The following TRPC4 variants were observed in gnomAD, a reference collection of about 807,000 sequenced individuals.
TRPC4 encodes short transient receptor potential channel 4.
A neutral mutation model predicts 99.4 loss-of-function variants in TRPC4; 49 were observed. The observed-to-expected ratio is 0.49, with a 90% CI of 0.39 to 0.63. The LOEUF (loss-of-function observed/expected upper bound fraction) is 0.63. Ranked by LOEUF, TRPC4 falls within the 20% of genes least tolerant of loss-of-function variation. The pLI is 0.00. For synonymous variants in TRPC4, 454 were observed against 425.9 expected (o/e 1.07, Z -0.81); for missense variants, 898 against 1,152.9 (o/e 0.78, Z 3.20).
chr13:37,799,305 G>A (rs902483068), intron 1 of TRPC4, among the ~76,000 whole-genome samples: 3 of 152,076 alleles, frequency 2.0e-5, no homozygotes, highest in Non-Finnish European at 4.4e-5. Flanking sequence ...TGCATGTAGA[G>A]CCCAACTTGC....
intron 1 of TRPC4, among the ~76,000 whole-genome samples, chr13:37,818,348 T>C (rs529784227): frequency 3.9e-5 from 6 of 152,196 alleles, no homozygotes; most frequent in Non-Finnish European, 5.9e-5. Flanking sequence ...TTTACACTGT[T>C]GGTGGGAGTG....
chr13:37,846,552 AC>A (rs778175385), intron 1 of TRPC4, among the ~76,000 whole-genome samples: 1 of 151,970 alleles, frequency 6.6e-6, no homozygotes, highest in Non-Finnish European at 1.5e-5. Context: ...CTTAGCAAAA[AC>A]CCCCAGTAGT....
chr13:37,828,027 C>A (rs1311071032), intron 1 of TRPC4, among the ~76,000 whole-genome samples: 2 of 152,190 alleles, frequency 1.3e-5, no homozygotes, highest in East Asian at 3.9e-4. Context: ...TGGGAGTGAC[C>A]CGATTTTCCA....
intron 1 of TRPC4, among the ~76,000 whole-genome samples, chr13:37,847,525 T>C (rs1263945834): frequency 6.6e-6 from 1 of 152,058 alleles, no homozygotes; most frequent in African/African-American, 2.4e-5. Flanking sequence ...GCTAAACCTA[T>C]GGAATGGAGC....
At chr13:37,864,819 C>T (rs1370623120) in intron 1 of TRPC4, among the ~76,000 whole-genome samples, 2 of 151,662 alleles carry the variant, frequency 1.3e-5, no homozygotes, top group Non-Finnish European at 3.0e-5. Context: ...TAACTAGGCA[C>T]TAACTAGGCT....
At chr13:37,763,741 C>T (rs1466458540) in intron 2 of TRPC4, among the ~76,000 whole-genome samples, 2 of 151,630 alleles carry the variant, frequency 1.3e-5, no homozygotes, top group Admixed American at 1.3e-4. Context: ...AAGGATGAAC[C>T]ATTGAATTTT....
chr13:37,841,464 A>G (rs912614215), intron 1 of TRPC4, among the ~76,000 whole-genome samples: 1 of 152,006 alleles, frequency 6.6e-6, no homozygotes, highest in Non-Finnish European at 1.5e-5. Context: ...ATGAAATGAC[A>G]AGCTACAGAC....
intron 1 of TRPC4, among the ~76,000 whole-genome samples, chr13:37,859,515 A>G (rs534864401): frequency 6.6e-6 from 1 of 151,634 alleles, no homozygotes; most frequent in African/African-American, 2.4e-5. Flanking sequence ...CATTAACCTC[A>G]AAGAGCATCA....
chr13:37,636,954 T>C lies in TRPC4; in HGVS notation c.2883A>G (p.Leu961=). 1 of 1,613,514 alleles carries C rather than the reference T, an allele frequency of 6.2e-7. No homozygotes were observed. Among genetic ancestry groups the C allele is most frequent in the Non-Finnish European group, 8.5e-7 (1 of 1,179,648 alleles). Residue 961 remains leucine (L), a synonymous_variant, in exon 11 of 11, where the codon CTA becomes CTG. Transcript: ENST00000379705. The part of the protein sequence containing the change: ...KEEDSSIDYD[L]NLPDTVTHED... ...CGTGGGTGACTGTGTCTGGGAGGTT[T>C]AGATCATAGTCTATACTAGAGTCCT... is the stretch of plus-strand genomic sequence containing the variant.
At chr13:37,758,400 C>G (rs943460513) in intron 2 of TRPC4, among the ~76,000 whole-genome samples, 1 of 151,680 alleles carries the variant, frequency 6.6e-6, no homozygotes, top group African/African-American at 2.4e-5. Context: ...AATTTCATCA[C>G]TATTCCTAGA....
intron 1 of TRPC4, among the ~76,000 whole-genome samples, chr13:37,845,056 A>G (rs1253503116): frequency 2.0e-5 from 3 of 152,216 alleles, no homozygotes; most frequent in Non-Finnish European, 4.4e-5. Flanking sequence ...TCACTGAACC[A>G]TGGAGAACAG....
At chr13:37,661,717 AG>A (rs1319202151) in intron 6 of TRPC4, among the ~76,000 whole-genome samples, 1 of 150,676 alleles carries the variant, frequency 6.6e-6, no homozygotes. Flanking sequence ...TCATTTATGA[AG>A]GAAGAGGTTG....
intron 2 of TRPC4, among the ~76,000 whole-genome samples, chr13:37,776,984 A>T (rs1221800138): frequency 6.6e-6 from 1 of 151,966 alleles, no homozygotes; most frequent in Non-Finnish European, 1.5e-5. Flanking sequence ...TGCTAGTACC[A>T]ATATCTTACT....
At chr13:37,832,004 T>A (rs1334740392) in intron 1 of TRPC4, among the ~76,000 whole-genome samples, 1 of 152,186 alleles carries the variant, frequency 6.6e-6, no homozygotes, top group Non-Finnish European at 1.5e-5. Context: ...CAATGTGTTG[T>A]ATATTTCAAA....
At chr13:37,653,805 A>G (rs988693669) in intron 7 of TRPC4, among the ~76,000 whole-genome samples, 1 of 152,168 alleles carries the variant, frequency 6.6e-6, no homozygotes. Context: ...GCTTCCTTGT[A>G]TCTAGCTTGA....
At chr13:37,843,300 C>A (rs1394313766) in intron 1 of TRPC4, among the ~76,000 whole-genome samples, 1 of 152,176 alleles carries the variant, frequency 6.6e-6, no homozygotes, top group Non-Finnish European at 1.5e-5. Flanking sequence ...CAAATGTTAA[C>A]TTTGTTACTT....
chr13:37,655,221 G>A lies in TRPC4; in HGVS notation c.1751C>T (p.Thr584Ile). 1 of 1,608,184 alleles carries A rather than the reference G, an allele frequency of 6.2e-7. No individual in the cohort carries two copies. The highest frequency in any genetic ancestry group is 1.1e-5 in the South Asian group (1 of 90,426). Reference protein sequence around the residue: ...SIFGLINLYVTNVKAQHEFTE... With the variant: ...SIFGLINLYVINVKAQHEFTE... Reference sequence around the variant, plus strand: ...AAATTCATGCTGTGCTTTGACATTGGTCACATATAAATTGATGAGCCCAAA... The same window carrying A: ...AAATTCATGCTGTGCTTTGACATTGATCACATATAAATTGATGAGCCCAAA... Residue 584 changes from threonine to isoleucine, a missense_variant, in exon 7 of 11, where the codon ACC becomes ATC. This residue lies in a region of TRPC4 where 274 missense variants were observed against 454.9 expected (regional missense o/e 0.60). Transcript: ENST00000379705.
chr13:37,852,233 T>C (rs1371101146), intron 1 of TRPC4, among the ~76,000 whole-genome samples: 1 of 151,988 alleles, frequency 6.6e-6, no homozygotes, highest in African/African-American at 2.4e-5. Context: ...TTCCTTCTGC[T>C]TAGGGGGTGG....
intron 1 of TRPC4, among the ~76,000 whole-genome samples, chr13:37,810,466 T>C (rs1957646179): frequency 6.6e-6 from 1 of 152,040 alleles, no homozygotes; most frequent in Non-Finnish European, 1.5e-5. Context: ...ATTTAAAAAC[T>C]GATAACAGCT....
Sources: allele counts gnomAD v4.1 joint callset (sites outside exome capture counted in the v4.1 genomes callset), GRCh38; gene constraint gnomAD v4.1.1; regional missense constraint gnomAD v4.1.1; transcripts MANE v1.5; gene names NCBI Gene and HGNC (gene_info 2026-07-23, HGNC 2026-07-21).